The following SBF2 variants were observed in gnomAD, a reference collection of about 807,000 sequenced individuals.
SBF2 encodes myotubularin-related protein 13.
A neutral mutation model predicts 225.2 loss-of-function variants in SBF2; 112 were observed. The observed-to-expected ratio is 0.50, with a 90% confidence interval of 0.43 to 0.58. SBF2 has a LOEUF of 0.58. Ranked by LOEUF, SBF2 falls within the 20% of genes least tolerant of loss-of-function variation. The pLI is 0.00. For missense variants in SBF2, 1,996 were observed against 2,206.2 expected (o/e 0.90, Z 1.91); for synonymous variants, 763 against 773.3 (o/e 0.99, Z 0.22).
intron 16 of SBF2, among the ~76,000 whole-genome samples, chr11:9,950,365 C>A (rs972540204): frequency 6.6e-6 from 1 of 152,140 alleles, no homozygotes; most frequent in African/African-American, 2.4e-5. Flanking sequence ...CTCTGATCTC[C>A]CCCCTTCCCA....
chr11:10,050,509 C>T (rs957124684), intron 2 of SBF2, among the ~76,000 whole-genome samples: 1 of 151,908 alleles, frequency 6.6e-6, no homozygotes, highest in African/African-American at 2.4e-5. Context: ...AAGAGATGAA[C>T]AATAACTAAT....
At chr11:9,928,736 C>T (rs1864252772) in intron 16 of SBF2, among the ~76,000 whole-genome samples, 1 of 152,112 alleles carries the variant, frequency 6.6e-6, no homozygotes. Flanking sequence ...GCAAAAGTAA[C>T]TGAGGTATTT....
At position 9,887,694 on chromosome 11, in the gene SBF2, T is replaced by G. The variant is rs190932394; in HGVS notation, c.1929+8249A>C. Among the ~76,000 whole-genome samples, 9 of 152,346 alleles carry G rather than the reference T, an allele frequency of 5.9e-5. No individual in the cohort carries two copies. In the East Asian group the frequency reaches 1.7e-3, roughly 29 times the overall value. On this transcript the variant is annotated intron_variant, in intron 17 of 39. Transcript: ENST00000256190. ...ATGTGGATTCAGCCAGCACTGATGC[T>G]TGTCTTCACTCTCAAACATTTTTCT...
At chr11:10,106,646 A>C (rs999674303) in intron 2 of SBF2, among the ~76,000 whole-genome samples, 2 of 151,472 alleles carry the variant, frequency 1.3e-5, no homozygotes, top group Admixed American at 6.6e-5. Context: ...AAAAAAAAAA[A>C]AAACCCACAC....
chr11:9,894,461 G>A (rs964031450), intron 17 of SBF2, among the ~76,000 whole-genome samples: 23 of 152,134 alleles, frequency 1.5e-4, no homozygotes, highest in African/African-American at 3.6e-4. Flanking sequence ...AGGTTGCAGC[G>A]AGCTGAAATC....
At position 9,856,652 on chromosome 11, in the gene SBF2, A is replaced by C; in HGVS notation, c.2169T>G (p.Leu723=). 1 of 1,614,190 alleles carries C rather than the reference A, an allele frequency of 6.2e-7. No individual in the cohort carries two copies. The highest frequency in any genetic ancestry group is 8.5e-7 in the Non-Finnish European group (1 of 1,180,016). Residue 723 remains leucine, a synonymous_variant, in exon 19 of 40, where the codon CTT becomes CTG. Transcript: ENST00000256190. ...GAGTTGACTTGCTCAGGGTAGGCCA[A>C]AGGCGTAGTTGCTCAGCTGCCAGGT... ...AMDLAAEQLR[L]WPTLSKSTQQ... is the part of the protein sequence containing the mutation.
intron 2 of SBF2, among the ~76,000 whole-genome samples, chr11:10,044,234 C>G (rs1949767154): frequency 6.6e-6 from 1 of 150,760 alleles, no homozygotes; most frequent in Non-Finnish European, 1.5e-5. Flanking sequence ...AAGCCTCTAG[C>G]CAGGCTAATT....
At chr11:10,084,417 A>G (rs1014148925) in intron 2 of SBF2, among the ~76,000 whole-genome samples, 3 of 152,232 alleles carry the variant, frequency 2.0e-5, no homozygotes, top group African/African-American at 7.2e-5. Context: ...ATTATTAAAA[A>G]GTCAAAAAAT....
At position 10,069,809 on chromosome 11, in the gene SBF2, T is replaced by G. The variant is rs1452567531; in HGVS notation, c.142-26828A>C. Among the ~76,000 whole-genome samples the G allele has an allele frequency of 1.1e-4, 17 of 152,352 alleles. No individual in the cohort carries two copies. The East Asian group carries it at 1.9e-3, about 17-fold the overall frequency. On this transcript the variant is annotated intron_variant, in intron 2 of 39. Coordinates refer to ENST00000256190, the MANE Select transcript of SBF2 (RefSeq NM_030962.4). Reference sequence around the variant, plus strand: ...AAAGCATTCCTATTTCTCCACATCCTCTCCAGCATCTGTTGTTTCCTGACT... The same window carrying G: ...AAAGCATTCCTATTTCTCCACATCCGCTCCAGCATCTGTTGTTTCCTGACT...
chr11:10,280,045 G>T (rs1963295987), intron 1 of SBF2, among the ~76,000 whole-genome samples: 1 of 152,124 alleles, frequency 6.6e-6, no homozygotes, highest in Non-Finnish European at 1.5e-5. Context: ...GATTCTTTTG[G>T]ATTTTTAAGT....
At chr11:10,065,250 T>C (rs1214495622) in intron 2 of SBF2, among the ~76,000 whole-genome samples, 1 of 152,144 alleles carries the variant, frequency 6.6e-6, no homozygotes, top group East Asian at 1.9e-4. Flanking sequence ...TAAAAATTTG[T>C]AGGATGCTAC....
intron 2 of SBF2, among the ~76,000 whole-genome samples, chr11:10,085,863 C>T (rs1378920810): frequency 1.3e-5 from 2 of 151,976 alleles, no homozygotes; most frequent in Non-Finnish European, 2.9e-5. Flanking sequence ...AATTTTTCTT[C>T]TATCACCAGT....
rs1258999895 is a variant in SBF2 at position 10,066,879 on chromosome 11, G to C, written c.142-23898C>G. On this transcript the variant is annotated intron_variant, in intron 2 of 39. Transcript: ENST00000256190. ...TGTCTAGAACAAATAAGTTTAGCAA[G>C]GTAGTAGAACACATGATCAATATAT... Among the ~76,000 whole-genome samples, 2 of 152,164 alleles carry C rather than the reference G, an allele frequency of 1.3e-5. 1 individual carries two copies. Among genetic ancestry groups the C allele is most frequent in the Non-Finnish European group, 2.9e-5 (2 of 68,030 alleles).
At chr11:10,077,210 G>C (rs1368167332) in intron 2 of SBF2, among the ~76,000 whole-genome samples, 1 of 152,266 alleles carries the variant, frequency 6.6e-6, no homozygotes, top group South Asian at 2.1e-4. Flanking sequence ...CCAATATCGT[G>C]AAAATGGCCA....
intron 2 of SBF2, among the ~76,000 whole-genome samples, chr11:10,146,517 C>T (rs551799834): frequency 1.1e-4 from 16 of 152,154 alleles, no homozygotes; most frequent in African/African-American, 1.2e-4. Flanking sequence ...ACTGGCTAGC[C>T]GTATGCAGAA....
chr11:9,925,295 T>C (rs1036189219), intron 16 of SBF2, among the ~76,000 whole-genome samples: 24 of 151,980 alleles, frequency 1.6e-4, no homozygotes, highest in Admixed American at 1.1e-3. Context: ...TATATATATA[T>C]ATATATTTTT....
At chr11:9,956,958 C>G (rs1018718043) in intron 16 of SBF2, 6 of 152,116 alleles carry the variant, frequency 3.9e-5, no homozygotes, top group East Asian at 3.8e-4. Context: ...AGCAAACAGG[C>G]AATTCTGCAA....
At chr11:10,286,778 T>G (rs1963822578) in intron 1 of SBF2, among the ~76,000 whole-genome samples, 1 of 152,184 alleles carries the variant, frequency 6.6e-6, no homozygotes, top group Non-Finnish European at 1.5e-5. Context: ...AAATTAAATT[T>G]AAAAAGAATA....
intron 2 of SBF2, among the ~76,000 whole-genome samples, chr11:10,066,132 T>A (rs192240786): frequency 6.6e-6 from 1 of 151,918 alleles, no homozygotes; most frequent in East Asian, 1.9e-4. Flanking sequence ...CTACTAAACA[T>A]TAAAGGTTTT....
Sources: gnomAD v4.1 joint callset for allele counts (sites outside exome capture counted in the v4.1 genomes callset) on GRCh38, gnomAD v4.1.1 for gene constraint, MANE v1.5 for transcripts, NCBI Gene and HGNC (gene_info 2026-07-23, HGNC 2026-07-21) for gene names.